Variants in PIK3R2 observed in about 807,000 individuals in gnomAD.
PIK3R2 encodes phosphoinositide-3-kinase regulatory subunit 2.
A neutral mutation model predicts 78.5 loss-of-function variants in PIK3R2; 40 were observed. That is an observed-to-expected ratio of 0.51 (90% CI 0.40 to 0.66). PIK3R2 has a LOEUF of 0.66. Ranked by LOEUF, PIK3R2 falls within the 30% of genes least tolerant of loss-of-function variation. The pLI, the probability that PIK3R2 is intolerant of heterozygous loss-of-function variation, is 0.00. For missense variants in PIK3R2, 880 were observed against 1,026.6 expected (o/e 0.86, Z 1.95); for synonymous variants, 473 against 457.7 (o/e 1.03, Z -0.43).
At chr19:18,162,090 G>A in intron 7 of PIK3R2, 39 bp downstream of exon 7, 1 of 1,587,674 alleles carries the variant, frequency 6.3e-7, no homozygotes. Context: ...TCCCGTTGGG[G>A]GCCGTAAATA....
At position 18,168,859 on chromosome 19, in the gene PIK3R2, G is replaced by A. The variant is rs748340519; in HGVS notation, c.1942G>A (p.Glu648Lys). The A allele has an allele frequency of 2.5e-6, 4 of 1,613,654 alleles. No homozygotes were observed. The South Asian group carries it at 4.4e-5, about 18-fold the overall frequency. Residue 648 changes from glutamate (E) to lysine (K), a missense_variant, in exon 15 of 16, where the codon GAG becomes AAG. Physicochemically the swap from Glu to Lys is moderately conservative, Grantham distance 56. Transcript: ENST00000222254. This position sits in a 1 kb window ranked among gnomAD's most constrained non-coding sequence, Gnocchi z 4.1. ...GKRDGTFLIR[E>K]SSQRGCYACS... ...GCGGGATGGCACCTTCCTCATCCGC[G>A]AGAGCAGCCAGCGGGGCTGCTACGC...
In PIK3R2 at chr19:18,161,005, G is replaced by A; in HGVS notation, c.466+36G>A. 1 of 1,612,056 alleles carries A rather than the reference G, an allele frequency of 6.2e-7. No homozygotes were observed. The highest frequency in any genetic ancestry group is 2.2e-5 in the East Asian group (1 of 44,830). ...GCCTCAATGGGGTTGGGAGGAGGCTGGGGGCCCCAGTACACATGAGTTGGA... is the reference window on the plus strand; with the variant it reads ...GCCTCAATGGGGTTGGGAGGAGGCTAGGGGCCCCAGTACACATGAGTTGGA... On this transcript the variant is annotated intron_variant, in intron 4 of 15. Coordinates refer to ENST00000222254, the MANE Select transcript of PIK3R2 (RefSeq NM_005027.4). This position sits in a 1 kb window ranked among gnomAD's most constrained non-coding sequence, Gnocchi z 5.3.
In PIK3R2 at chr19:18,168,408, G is replaced by A. The variant is rs140819522; in HGVS notation, c.1737-67G>A. 2,288 of 749,236 alleles carry A rather than the reference G, an allele frequency of 3.1e-3. 40 individuals carry two copies. In the African/African-American group the frequency reaches 0.034, roughly 11 times the overall value. 46.4% of individuals were successfully genotyped at this position (749,236 alleles called of 1,614,324 possible). On this transcript the variant is annotated intron_variant, in intron 13 of 15. Transcript: ENST00000222254. This position sits in a 1 kb window ranked among gnomAD's most constrained non-coding sequence, Gnocchi z 4.1. The stretch of plus-strand genomic sequence containing the variant: ...CCTCAGCCAGACCCTGCCTCCCACC[G>A]GACAGGCCCACTGTGGGCTCAGCAC...
At chr19:18,158,406 G>A (rs2043701270) in intron 2 of PIK3R2, among the ~76,000 whole-genome samples, 1 of 151,356 alleles carries the variant, frequency 6.6e-6, no homozygotes, top group African/African-American at 2.4e-5. Context: ...CACGAGAATC[G>A]CTTGAACCCG....
chr19:18,155,489 A>T lies in PIK3R2; in HGVS notation c.-391A>T, dbSNP rs1224691022. ...TCCTCAGCTGGCCGAGCATGGTGGC[A>T]GCCTGCACCCTTGGCTCCCTTGTCT... On this transcript the variant is annotated 5_prime_UTR_variant, in exon 2 of 16. Coordinates refer to ENST00000222254, the MANE Select transcript of PIK3R2 (RefSeq NM_005027.4). The T allele has an allele frequency of 2.4e-6, 1 of 417,622 alleles. No individual in the cohort carries two copies. Among genetic ancestry groups the T allele is most frequent in the African/African-American group, 2.1e-5 (1 of 48,728 alleles). 25.9% of individuals were successfully genotyped at this position (417,622 alleles called of 1,614,324 possible).
At chr19:18,166,129 A>G in intron 11 of PIK3R2, 31 bp from the exon 12 acceptor site, 7 of 1,613,394 alleles carry the variant, frequency 4.3e-6, no homozygotes, top group Non-Finnish European at 5.9e-6. Context: ...GGGGAGTCCC[A>G]GGAGGTGCTG....
At chr19:18,162,361 G>T in intron 8 of PIK3R2, 47 bp from the exon 9 acceptor site, 1 of 1,594,422 alleles carries the variant, frequency 6.3e-7, no homozygotes, top group Non-Finnish European at 8.6e-7. Context: ...CAGGGTGAGC[G>T]GGGTCTCCAG....
At position 18,169,817 on chromosome 19, in the gene PIK3R2, G is replaced by A; in HGVS notation, c.*523G>A. ...GGGGCCGGGCGGGACCCGCCCCACAGACTCCAACTTCCCCTCCAAACCCCG... is the reference window on the plus strand; with the variant it reads ...GGGGCCGGGCGGGACCCGCCCCACAAACTCCAACTTCCCCTCCAAACCCCG... On this transcript the variant is annotated 3_prime_UTR_variant, in exon 16 of 16. Transcript: ENST00000222254. 1 of 206,510 alleles carries A rather than the reference G, an allele frequency of 4.8e-6. No homozygotes were observed. The highest frequency in any genetic ancestry group is 9.9e-6 in the Non-Finnish European group (1 of 100,692). The allele number at this position is 206,510 out of a possible 1,614,324, so 12.8% of individuals were successfully genotyped here. A position where few individuals can be genotyped will look rare whatever the true frequency, so the allele number is the denominator to read the frequency against.
Position 18,169,372 on chromosome 19 carries a change from C to G in PIK3R2, c.*78C>G. 1 of 771,714 alleles carries G rather than the reference C, an allele frequency of 1.3e-6. No homozygotes were observed. The highest frequency in any genetic ancestry group is 4.1e-5 in the South Asian group (1 of 24,222). 47.8% of individuals were successfully genotyped at this position (771,714 alleles called of 1,614,324 possible). On this transcript the variant is annotated 3_prime_UTR_variant, in exon 16 of 16. Coordinates refer to ENST00000222254, the MANE Select transcript of PIK3R2 (RefSeq NM_005027.4). ...GGCTGCGGCGGCGGGAGCCACGGACCAGACCAGCCACATCCAGGGGTCCTC... is the reference window on the plus strand; with the variant it reads ...GGCTGCGGCGGCGGGAGCCACGGACGAGACCAGCCACATCCAGGGGTCCTC...
chr19:18,160,898 G>T (rs751803439), intron 3 of PIK3R2, 21 bp from the exon 4 acceptor site: 2 of 1,598,872 alleles, frequency 1.3e-6, no homozygotes, highest in African/African-American at 2.7e-5. Flanking sequence ...GAGCTGACTC[G>T]CCTGTCCCCT....
Position 18,166,301 on chromosome 19 carries a change from A to G in PIK3R2, c.1558A>G (p.Arg520Gly). 1 of 1,613,730 alleles carries G rather than the reference A, an allele frequency of 6.2e-7. No individual in the cohort carries two copies. The highest frequency in any genetic ancestry group is 8.5e-7 in the Non-Finnish European group (1 of 1,179,748). Residue 520 changes from arginine (R) to glycine (G), a missense_variant and splice_region_variant, in exon 12 of 16, where the codon AGG (arginine) becomes GGG (glycine). Physicochemically the swap from Arg to Gly is moderately radical, Grantham distance 125 (BLOSUM62 -2). Transcript: ENST00000222254. Reference protein sequence around the residue: ...RREGNEKEMQRILLNSERLKS... With the variant: ...RREGNEKEMQGILLNSERLKS... ...TGAGGGCAACGAGAAAGAGATGCAA[A>G]GGTGAGTCTGGCGCCTCTGCCCTGC...
In PIK3R2 at chr19:18,161,372, G is replaced by C; in HGVS notation, c.692G>C (p.Arg231Pro). ...TLRFLLQHLG[R>P]VASRAPALGP... is the part of the protein sequence containing the mutation. ...CGCTTCCTGCTCCAGCACCTGGGCC[G>C]CGTGGCCAGCCGCGCCCCGGCCCTG... Residue 231 changes from arginine (R) to proline (P), a missense_variant, in exon 6 of 16, where the codon CGC becomes CCC. Coordinates refer to ENST00000222254, the MANE Select transcript of PIK3R2 (RefSeq NM_005027.4). This position sits in a 1 kb window ranked among gnomAD's most constrained non-coding sequence, Gnocchi z 5.3. 7.9e-7 allele frequency: 1 copy of C among 1,263,064 alleles called. No homozygotes were observed. The highest frequency in any genetic ancestry group is 9.9e-7 in the Non-Finnish European group (1 of 1,005,812). The allele number at this position is 1,263,064 out of a possible 1,614,324, so 78.2% of individuals were successfully genotyped here.
In PIK3R2 at chr19:18,169,327, C is replaced by T. The variant is rs571048757; in HGVS notation, c.*33C>T. On this transcript the variant is annotated 3_prime_UTR_variant, in exon 16 of 16. Transcript: ENST00000222254. ...GGACCCGCCCCAAGCAGAGCCGCCC[C>T]TGGGCCCGTCTGCGCCGGAGGCTGC... 10 of 1,287,228 alleles carry T rather than the reference C, an allele frequency of 7.8e-6. No homozygotes were observed. Among genetic ancestry groups the T allele is most frequent in the Admixed American group, 4.1e-5 (1 of 24,274 alleles). The allele number at this position is 1,287,228 out of a possible 1,614,324, so 79.7% of individuals were successfully genotyped here. A position where few individuals can be genotyped will look rare whatever the true frequency, so the allele number is the denominator to read the frequency against.
chr19:18,158,067 A>T (rs1044520131), intron 2 of PIK3R2, among the ~76,000 whole-genome samples: 2 of 152,220 alleles, frequency 1.3e-5, no homozygotes, highest in African/African-American at 4.8e-5. Flanking sequence ...TAATTTGGGG[A>T]AGAAATAATT....
Position 18,155,718 on chromosome 19 carries a change from G to A in PIK3R2, c.-162G>A, listed in dbSNP as rs532620920. ...TAAGGGTCATGGAATAATTTGAAGC[G>A]AGGCATGAGCGGCCCCTGTGGTCGC... On this transcript the variant is annotated 5_prime_UTR_variant, in exon 2 of 16. Transcript: ENST00000222254. The A allele has an allele frequency of 4.4e-5, 26 of 596,630 alleles. No homozygotes were observed. The highest frequency in any genetic ancestry group is 3.9e-4 in the South Asian group (19 of 48,544). 37.0% of individuals were successfully genotyped at this position (596,630 alleles called of 1,614,324 possible). A position where few individuals can be genotyped will look rare whatever the true frequency, so the allele number is the denominator to read the frequency against.
Position 18,163,355 on chromosome 19 carries a change from C to T in PIK3R2, c.1383C>T (p.Asp461=). 1 of 1,614,002 alleles carries T rather than the reference C, an allele frequency of 6.2e-7. No individual in the cohort carries two copies. The highest frequency in any genetic ancestry group is 8.5e-7 in the Non-Finnish European group (1 of 1,179,996). The change falls in exon 11 of 16, where the codon GAC becomes GAT. Residue 461 remains aspartate (D), a synonymous_variant. Transcript: ENST00000222254. ...QQYQDKSREY[D]QLYEEYTRTS... ...ACCAGGACAAGAGCCGCGAGTATGA[C>T]CAGCTTTATGAAGAGTACACACGGA...
chr19:18,157,768 C>T (rs1450244720), intron 2 of PIK3R2, among the ~76,000 whole-genome samples: 2 of 142,528 alleles, frequency 1.4e-5, no homozygotes, highest in Non-Finnish European at 3.0e-5. Context: ...TTCGTTGCAG[C>T]TGGGCCTTTC....
In PIK3R2 at chr19:18,153,768, C is replaced by T. The variant is rs1347409084; in HGVS notation, c.-424+474C>T. ...GAGCCCCCAGCCCTGCCTGCCCCGCCCCTCCCGCCTCCCGGATTCGGGGAG... is the reference window on the plus strand; with the variant it reads ...GAGCCCCCAGCCCTGCCTGCCCCGCTCCTCCCGCCTCCCGGATTCGGGGAG... On this transcript the variant is annotated intron_variant, in intron 1 of 15. Transcript: ENST00000222254. Among the ~76,000 whole-genome samples the T allele has an allele frequency of 3.3e-5, 5 of 152,298 alleles. 1 individual carries two copies. In the South Asian group the frequency reaches 8.3e-4, roughly 25 times the overall value.
chr19:18,162,911 G>C (rs1005878252), intron 9 of PIK3R2, 56 bp from the exon 10 acceptor site: 2 of 1,518,398 alleles, frequency 1.3e-6, no homozygotes, highest in Admixed American at 3.5e-5. Context: ...AGGGGACAGG[G>C]ATTGAGGGTC....
Sources: allele counts gnomAD v4.1 joint callset (sites outside exome capture counted in the v4.1 genomes callset), GRCh38; gene constraint gnomAD v4.1.1; non-coding constraint Gnocchi (gnomAD v3.1); transcripts MANE v1.5; gene names NCBI Gene and HGNC (gene_info 2026-07-23, HGNC 2026-07-21).